The following RANBP2 variants were observed in gnomAD, a reference collection of about 807,000 sequenced individuals.
RANBP2 encodes RAN binding protein 2, also known as E3 SUMO-protein ligase RanBP2.
In RANBP2, 57 loss-of-function variants were observed where a neutral mutation model predicts 303.6. That is an observed-to-expected ratio of 0.19 (90% CI 0.15 to 0.23). The LOEUF (loss-of-function observed/expected upper bound fraction) is 0.23, where lower values mean the gene tolerates loss of function less well. Ranked by LOEUF, RANBP2 falls within the 10% of genes least tolerant of loss-of-function variation. The probability of loss-of-function intolerance (pLI) is 1.00; values close to 1 mark genes in which losing one functional copy is unlikely to be tolerated. For synonymous variants in RANBP2, 1,167 were observed against 1,301.5 expected (o/e 0.90, Z 2.23); for missense variants, 3,138 against 3,780.8 (o/e 0.83, Z 4.46).
chr2:109,077,528 A>G, the RANBP2 span, among the ~76,000 whole-genome samples: 5 of 125,730 alleles, frequency 4.0e-5, no homozygotes, highest in African/African-American at 1.4e-4. Context: ...AAAGCAACCA[A>G]CAGAATGGGA....
At chr2:109,205,845 A>T in the RANBP2 span, among the ~76,000 whole-genome samples, 1 of 152,198 alleles carries the variant, frequency 6.6e-6, no homozygotes, top group Non-Finnish European at 1.5e-5. Flanking sequence ...CTTGAGCCTA[A>T]AGTTGGAGTT....
chr2:109,524,655 G>GA, the RANBP2 span, among the ~76,000 whole-genome samples: 20 of 151,980 alleles, frequency 1.3e-4, no homozygotes, highest in African/African-American at 4.8e-4. Flanking sequence ...TGAGGCAGGA[G>GA]AATCTCTTGA....
chr2:109,250,239 C>G, the RANBP2 span, among the ~76,000 whole-genome samples: 13 of 152,162 alleles, frequency 8.5e-5, no homozygotes, highest in South Asian at 2.3e-3. Context: ...GGCAACTGAA[C>G]CAAGTTACGA....
the RANBP2 span, among the ~76,000 whole-genome samples, chr2:108,851,979 A>G: frequency 6.6e-6 from 1 of 152,212 alleles, no homozygotes; most frequent in Non-Finnish European, 1.5e-5. Context: ...TTTAGCCTCT[A>G]TCAATTGCTG....
chr2:109,611,841 G>C, the RANBP2 span, among the ~76,000 whole-genome samples: 1 of 152,170 alleles, frequency 6.6e-6, no homozygotes. Flanking sequence ...CCAAATGCTG[G>C]TAAGGATGTG....
the RANBP2 span, among the ~76,000 whole-genome samples, chr2:109,766,656 A>C: frequency 6.7e-6 from 1 of 149,092 alleles, no homozygotes; most frequent in Non-Finnish European, 1.5e-5. Flanking sequence ...AATCAATGAC[A>C]CTTGAGCAAC....
chr2:109,606,320 C>CAGAAGA, the RANBP2 span, among the ~76,000 whole-genome samples: 1 of 151,962 alleles, frequency 6.6e-6, no homozygotes, highest in African/African-American at 2.4e-5. Context: ...GAGGCTGAGG[C>CAGAAGA]AGGAGAATCG....
chr2:108,797,956 T>A, the RANBP2 span, among the ~76,000 whole-genome samples: 3 of 107,262 alleles, frequency 2.8e-5, no homozygotes, highest in Admixed American at 3.8e-4. Flanking sequence ...CTTTTCACGG[T>A]GTGTGATTTT....
chr2:109,319,739 C>A, the RANBP2 span, among the ~76,000 whole-genome samples: 1 of 152,222 alleles, frequency 6.6e-6, no homozygotes, highest in Non-Finnish European at 1.5e-5. Context: ...AGCCTGCCTG[C>A]CCCCAGCCTG....
At chr2:109,387,795 C>G in the RANBP2 span, among the ~76,000 whole-genome samples, 2 of 152,284 alleles carry the variant, frequency 1.3e-5, no homozygotes, top group Admixed American at 1.3e-4. Context: ...CTAAGCAGAG[C>G]CCCTGGCCTG....
the RANBP2 span, among the ~76,000 whole-genome samples, chr2:108,918,811 G>C: frequency 6.6e-6 from 1 of 152,182 alleles, no homozygotes; most frequent in African/African-American, 2.4e-5. Context: ...TGCATTAGAG[G>C]CTGGCTGGGA....
At chr2:109,224,593 C>T in the RANBP2 span, among the ~76,000 whole-genome samples, 5 of 152,326 alleles carry the variant, frequency 3.3e-5, no homozygotes, top group African/African-American at 9.6e-5. Context: ...CGCAGTGGCT[C>T]ACACCTGTAA....
chr2:109,098,745 A>G, the RANBP2 span, among the ~76,000 whole-genome samples: 1 of 152,294 alleles, frequency 6.6e-6, no homozygotes, highest in East Asian at 1.9e-4. Flanking sequence ...GCAATGCATC[A>G]TGTATTTTAG....
the RANBP2 span, among the ~76,000 whole-genome samples, chr2:109,709,836 C>G: frequency 6.6e-6 from 1 of 152,120 alleles, no homozygotes; most frequent in Non-Finnish European, 1.5e-5. Context: ...GCTTGTAATC[C>G]CAGCACTTTG....
chr2:108,844,631 T>C, the RANBP2 span, among the ~76,000 whole-genome samples: 2 of 152,172 alleles, frequency 1.3e-5, no homozygotes, highest in African/African-American at 2.4e-5. Context: ...ACATTTTGGG[T>C]CTAGATTTGT....
At chr2:109,628,800 C>G in the RANBP2 span, among the ~76,000 whole-genome samples, 69 of 149,556 alleles carry the variant, frequency 4.6e-4, no homozygotes, top group African/African-American at 1.7e-3. Context: ...TACTTTTATA[C>G]AGTAGATTTT....
the RANBP2 span, among the ~76,000 whole-genome samples, chr2:108,988,707 G>C: frequency 9.2e-5 from 14 of 152,188 alleles, no homozygotes; most frequent in Non-Finnish European, 1.8e-4. Context: ...AGCACACACA[G>C]AATTTGTCTC....
the RANBP2 span, among the ~76,000 whole-genome samples, chr2:108,797,217 T>C: frequency 6.6e-6 from 1 of 151,998 alleles, no homozygotes; most frequent in African/African-American, 2.4e-5. Flanking sequence ...GGAATATTAG[T>C]AATTAAGTGA....
the RANBP2 span, among the ~76,000 whole-genome samples, chr2:109,478,809 A>G: frequency 6.6e-6 from 1 of 152,156 alleles, no homozygotes; most frequent in Non-Finnish European, 1.5e-5. Context: ...GGTGAGAATG[A>G]AACCCGCTCC....
Sources: gnomAD v4.1 joint callset for allele counts (sites outside exome capture counted in the v4.1 genomes callset) on GRCh38, gnomAD v4.1.1 for gene constraint, MANE v1.5 for transcripts, NCBI Gene and HGNC (gene_info 2026-07-23, HGNC 2026-07-21) for gene names.